Variants in AXL observed in about 807,000 individuals in gnomAD.
The protein encoded by AXL is AXL receptor tyrosine kinase.
In AXL, 52 loss-of-function variants were observed where a neutral mutation model predicts 104.5. That is an observed-to-expected ratio of 0.50 (90% CI 0.40 to 0.63). The LOEUF is 0.63. Among genes scored for constraint, AXL ranks in the 20% least tolerant of loss-of-function variants. The pLI, the probability that AXL is intolerant of heterozygous loss-of-function variation, is 0.00. For missense variants in AXL, 1,024 were observed against 1,188.5 expected (o/e 0.86, Z 2.04); for synonymous variants, 455 against 473.7 (o/e 0.96, Z 0.51).
At chr19:41,240,062 AATGGATGGGTAG>A (rs954931440) in intron 10 of AXL, among the ~76,000 whole-genome samples, 5 of 148,510 alleles carry the variant, frequency 3.4e-5, no homozygotes, top group African/African-American at 1.3e-4. Flanking sequence ...CGAGTGGATA[AATGGATGGGTAG>A]ATGGATGGGT....
At chr19:41,235,405 G>A (rs1414799012) in intron 6 of AXL, among the ~76,000 whole-genome samples, 4 of 120,816 alleles carry the variant, frequency 3.3e-5, no homozygotes, top group African/African-American at 1.0e-4. Flanking sequence ...TAGATAGATA[G>A]ATAGATAATA....
At chr19:41,238,253 T>G in intron 7 of AXL, 99 bp downstream of exon 7, 1 of 1,474,144 alleles carries the variant, frequency 6.8e-7, no homozygotes, top group Non-Finnish European at 9.4e-7. Context: ...TTACCCCTCA[T>G]GGCCTCAATC....
chr19:41,222,033 C>T lies in AXL; in HGVS notation c.563C>T (p.Pro188Leu), dbSNP rs1320068051. 1.3e-6 allele frequency: 2 copies of T among 1,585,976 alleles called. No individual in the cohort carries two copies. Among genetic ancestry groups the T allele is most frequent in the Non-Finnish European group, 1.7e-6 (2 of 1,168,512 alleles). ...CTGGCCACGGCTCCAGGTCACGGCCCCCAGCGCAGCCTGCATGTTCCAGGT... is the reference window on the plus strand; with the variant it reads ...CTGGCCACGGCTCCAGGTCACGGCCTCCAGCGCAGCCTGCATGTTCCAGGT... Reference protein sequence around the residue: ...VPLATAPGHGPQRSLHVPGLN... With the variant: ...VPLATAPGHGLQRSLHVPGLN... The change falls in exon 4 of 20, where the codon CCC becomes CTC. Residue 188 changes from proline (P) to leucine (L), a missense_variant. Coordinates refer to ENST00000301178, the MANE Select transcript of AXL (RefSeq NM_021913.5).
chr19:41,235,634 A>C (rs900957810), intron 6 of AXL, among the ~76,000 whole-genome samples: 9 of 152,180 alleles, frequency 5.9e-5, no homozygotes, highest in Admixed American at 2.6e-4. Flanking sequence ...TATTGTTACC[A>C]TTACTGATAT....
At chr19:41,258,877 T>C (rs554962710) in intron 19 of AXL, among the ~76,000 whole-genome samples, 3 of 152,334 alleles carry the variant, frequency 2.0e-5, no homozygotes, top group East Asian at 3.9e-4. Flanking sequence ...TCAGGATCTC[T>C]AATGAAGTTA....
chr19:41,230,863 A>G (rs2033973563), intron 4 of AXL, 104 bp from the exon 5 acceptor site: 1 of 1,213,324 alleles, frequency 8.2e-7, no homozygotes. Flanking sequence ...TGTGGGCTGC[A>G]CTGCCCCTGG....
intron 6 of AXL, among the ~76,000 whole-genome samples, chr19:41,233,631 G>GAA (rs1021339580): frequency 2.9e-5 from 4 of 136,324 alleles, no homozygotes; most frequent in Admixed American, 7.4e-5. Flanking sequence ...CTCTGTCTGA[G>GAA]AAAAAAAAAA....
At position 41,257,501 on chromosome 19, in the gene AXL, C is replaced by T. The variant is rs147631147; in HGVS notation, c.2205C>T (p.Phe735=). Residue 735 remains phenylalanine (F), a synonymous_variant, in exon 19 of 20, where the codon TTC becomes TTT. Transcript: ENST00000301178. ...CCCTCTGCCCCTCACAGTGGTCCTT[C>T]GGGGTGACAATGTGGGAGATTGCCA... is the stretch of plus-strand genomic sequence containing the variant. The part of the protein sequence containing the change: ...VYTSKSDVWS[F]GVTMWEIATR... 6.5e-5 allele frequency: 105 copies of T among 1,613,946 alleles called. No homozygotes were observed. Among genetic ancestry groups the T allele is most frequent in the Middle Eastern group, 1.6e-4 (1 of 6,084 alleles).
At chr19:41,225,464 T>C (rs1230771402) in intron 4 of AXL, among the ~76,000 whole-genome samples, 1 of 152,188 alleles carries the variant, frequency 6.6e-6, no homozygotes, top group African/African-American at 2.4e-5. Flanking sequence ...TCCTGGTGTG[T>C]ATCTATCTGT....
rs1217421207 is a variant in AXL, at chr19:41,234,847, A to G, written c.784-3097A>G. Among the ~76,000 whole-genome samples the G allele has an allele frequency of 2.0e-5, 3 of 152,174 alleles. No individual in the cohort carries two copies. The South Asian group carries it at 6.2e-4, about 32-fold the overall frequency. Reference sequence around the variant, plus strand: ...TGTATGGCTGGAGTCTCCAGGGTGAAGGGGAAGCCCTTGGCTGCACCATTC... The same window carrying G: ...TGTATGGCTGGAGTCTCCAGGGTGAGGGGGAAGCCCTTGGCTGCACCATTC... On this transcript the variant is annotated intron_variant, in intron 6 of 19. Coordinates refer to ENST00000301178, the MANE Select transcript of AXL (RefSeq NM_021913.5).
In AXL at chr19:41,253,731, C is replaced by G. The variant is rs200899438; in HGVS notation, c.2036+23C>G. On this transcript the variant is annotated intron_variant, in intron 17 of 19. Transcript: ENST00000301178. ...CATGTGAGTGCCTTTCAGGGACCCC[C>G]CCCCCCCAACTGCTCCTGCACTCCC... 4.0e-3 allele frequency: 6,147 copies of G among 1,535,022 alleles called. 35 individuals carry two copies. The highest frequency in any genetic ancestry group is 5.0e-3 in the Non-Finnish European group (5,649 of 1,120,548).
intron 4 of AXL, among the ~76,000 whole-genome samples, chr19:41,228,350 C>T (rs189102059): frequency 5.1e-4 from 78 of 152,098 alleles, no homozygotes; most frequent in African/African-American, 1.7e-3. Flanking sequence ...GTCAGGAGTT[C>T]GAGACCAGCC....
intron 4 of AXL, among the ~76,000 whole-genome samples, chr19:41,225,845 G>C (rs77726558): frequency 6.6e-6 from 1 of 152,120 alleles, no homozygotes; most frequent in East Asian, 1.9e-4. Context: ...GTGTGTGTGT[G>C]GGGGGGTTTG....
chr19:41,223,596 C>T (rs1288721804), intron 4 of AXL, among the ~76,000 whole-genome samples: 1 of 152,156 alleles, frequency 6.6e-6, no homozygotes, highest in Non-Finnish European at 1.5e-5. Flanking sequence ...GAGGAGGGGC[C>T]TTCTGACTGG....
chr19:41,236,249 C>T (rs762020109), intron 6 of AXL, among the ~76,000 whole-genome samples: 1 of 150,480 alleles, frequency 6.6e-6, no homozygotes, highest in Non-Finnish European at 1.5e-5. Flanking sequence ...AGAAGAATTA[C>T]TTGAGCCCAG....
chr19:41,250,395 T>C (rs954743697), intron 14 of AXL, among the ~76,000 whole-genome samples: 4 of 152,148 alleles, frequency 2.6e-5, no homozygotes, highest in Admixed American at 2.6e-4. Flanking sequence ...CACTCATTCG[T>C]TCATTATGGA....
In AXL at chr19:41,237,917, C is replaced by A. The variant is rs777230616; in HGVS notation, c.784-27C>A. 14 of 1,602,480 alleles carry A rather than the reference C, an allele frequency of 8.7e-6. No homozygotes were observed. The Admixed American group carries it at 1.7e-4, about 19-fold the overall frequency. On this transcript the variant is annotated intron_variant, in intron 6 of 19. Transcript: ENST00000301178. ...ATCTCGTGTGATTGCTTGGCTGTCC[C>A]GTCCTCACACCCTTGCCTCTCCTCA...
rs754135882 is a variant in AXL at position 41,219,460 on chromosome 19, C to G, written c.68C>G (p.Ala23Gly). Residue 23 changes from alanine (A) to glycine (G), a missense_variant, in exon 1 of 20, where the codon GCG becomes GGG. Ala to Gly is a moderately conservative substitution (Grantham distance 60). Coordinates refer to ENST00000301178, the MANE Select transcript of AXL (RefSeq NM_021913.5). ...LAWCLALCGW[A>G]CMAPRGTQAE... ...TGGTGCTTGGCGCTGTGCGGCTGGG[C>G]GTGCATGGCCCCCAGGGGTGAGTGA... is the stretch of plus-strand genomic sequence containing the variant. The G allele has an allele frequency of 1.9e-6, 3 of 1,599,332 alleles. No homozygotes were observed. Among genetic ancestry groups the G allele is most frequent in the African/African-American group, 1.4e-5 (1 of 73,790 alleles).
intron 4 of AXL, among the ~76,000 whole-genome samples, chr19:41,224,752 G>A (rs2033848984): frequency 6.6e-6 from 1 of 152,120 alleles, no homozygotes; most frequent in South Asian, 2.1e-4. Context: ...ATATGTCACA[G>A]GGTAAGCATG....
Sources: gnomAD v4.1 joint callset for allele counts (sites outside exome capture counted in the v4.1 genomes callset) on GRCh38, gnomAD v4.1.1 for gene constraint, MANE v1.5 for transcripts, NCBI Gene and HGNC (gene_info 2026-07-23, HGNC 2026-07-21) for gene names.